Variants in TMEM117 observed in about 807,000 individuals in gnomAD.
The protein encoded by TMEM117 is transmembrane protein 117.
In TMEM117, 27 loss-of-function variants were observed where a neutral mutation model predicts 52.4. The ratio of observed to expected loss-of-function variants is 0.51; its 90% CI spans 0.38 to 0.71. TMEM117 has a LOEUF of 0.71. TMEM117 is among the 30% of genes least tolerant of loss of function. The pLI is 0.00. For synonymous variants in TMEM117, 215 were observed against 206.3 expected, an observed-to-expected ratio of 1.04 and a Z score of -0.36; for missense variants, 556 against 630.5, an observed-to-expected ratio of 0.88 and a Z score of 1.26.
chr12:43,984,837 G>A (rs1945820520), intron 3 of TMEM117, among the ~76,000 whole-genome samples: 1 of 152,016 alleles, frequency 6.6e-6, no homozygotes. Context: ...TTTAAAATCA[G>A]CCCACATACC....
intron 3 of TMEM117, among the ~76,000 whole-genome samples, chr12:44,095,952 G>A (rs1947753239): frequency 6.6e-6 from 1 of 152,122 alleles, no homozygotes; most frequent in Non-Finnish European, 1.5e-5. Flanking sequence ...CGACATGATT[G>A]TATATCTAGA....
chr12:43,944,138 TTAAAATAAA>T (rs1945089292), intron 2 of TMEM117, 63 bp from the exon 3 acceptor site: 77 of 1,357,404 alleles, frequency 5.7e-5, no homozygotes, highest in Admixed American at 1.5e-4. Flanking sequence ...AAAAGATTCA[TTAAAATAAA>T]GCAAAGATCC....
intron 6 of TMEM117, among the ~76,000 whole-genome samples, chr12:44,334,951 A>AG (rs1266612384): frequency 1.3e-5 from 2 of 152,106 alleles, no homozygotes; most frequent in Non-Finnish European, 2.9e-5. Context: ...AAACAAAAAA[A>AG]TCAGAGAATG....
intron 6 of TMEM117, among the ~76,000 whole-genome samples, chr12:44,347,304 T>C (rs975822778): frequency 2.0e-5 from 3 of 152,074 alleles, no homozygotes. Context: ...GAAATAAATA[T>C]GAGTGCCAGA....
chr12:43,947,581 G>A (rs1043127946), intron 3 of TMEM117, among the ~76,000 whole-genome samples: 9 of 152,164 alleles, frequency 5.9e-5, no homozygotes, highest in African/African-American at 2.2e-4. Flanking sequence ...GTGCAGAAAG[G>A]ACAGTGAGCA....
At position 44,389,399 on chromosome 12, in the gene TMEM117, C is replaced by G. The variant is rs1298546005; in HGVS notation, c.*727C>G. 6.6e-6 allele frequency: 1 copy of G among 152,534 alleles called. No individual in the cohort carries two copies. The highest frequency in any genetic ancestry group is 1.5e-5 in the Non-Finnish European group (1 of 68,016). The allele number at this position is 152,534 out of a possible 1,614,324, so 9.4% of individuals were successfully genotyped here. On this transcript the variant is annotated 3_prime_UTR_variant, in exon 8 of 8. Coordinates refer to ENST00000266534, the MANE Select transcript of TMEM117 (RefSeq NM_032256.3). ...TTGCTACTTGATTAAAAATCCTGCCCTTCACCTTTGGGAACAAAGGTTAAG... is the reference window on the plus strand; with the variant it reads ...TTGCTACTTGATTAAAAATCCTGCCGTTCACCTTTGGGAACAAAGGTTAAG...
the TMEM117 span, among the ~76,000 whole-genome samples, chr12:43,819,325 C>G: frequency 2.0e-5 from 3 of 152,140 alleles, no homozygotes; most frequent in Non-Finnish European, 4.4e-5. Context: ...ATTTTTGATT[C>G]TAAAGTTTGA....
chr12:44,175,365 G>A (rs565665387), intron 4 of TMEM117, among the ~76,000 whole-genome samples: 32 of 152,274 alleles, frequency 2.1e-4, no homozygotes, highest in African/African-American at 7.5e-4. Context: ...TTATGAAACT[G>A]GGTTAGTGTC....
the TMEM117 span, among the ~76,000 whole-genome samples, chr12:43,817,537 C>T: frequency 6.6e-6 from 1 of 152,150 alleles, no homozygotes; most frequent in Non-Finnish European, 1.5e-5. Context: ...TTACTGAAGG[C>T]AGTGGAAACT....
chr12:44,349,064 T>C (rs1951529032), intron 6 of TMEM117, among the ~76,000 whole-genome samples: 1 of 152,004 alleles, frequency 6.6e-6, no homozygotes, highest in Admixed American at 6.6e-5. Context: ...TTTGTATTAA[T>C]CAAGCATAAA....
chr12:44,187,183 T>C (rs2138332704), intron 4 of TMEM117, among the ~76,000 whole-genome samples: 1 of 152,236 alleles, frequency 6.6e-6, no homozygotes, highest in East Asian at 1.9e-4. Flanking sequence ...ATATCCAGAC[T>C]TATATTTGCT....
intron 3 of TMEM117, among the ~76,000 whole-genome samples, chr12:43,965,028 T>C (rs1007900344): frequency 5.9e-5 from 9 of 152,206 alleles, no homozygotes; most frequent in Admixed American, 2.0e-4. Flanking sequence ...AATTTGATCA[T>C]TTAAAATAGA....
chr12:44,182,942 A>G (rs1021533248), intron 4 of TMEM117, among the ~76,000 whole-genome samples: 3 of 152,190 alleles, frequency 2.0e-5, no homozygotes, highest in African/African-American at 4.8e-5. Flanking sequence ...CTATCTTAGT[A>G]CATACCTTTA....
At chr12:44,197,286 A>G (rs1171450596) in intron 4 of TMEM117, among the ~76,000 whole-genome samples, 2 of 151,892 alleles carry the variant, frequency 1.3e-5, no homozygotes, top group Admixed American at 6.6e-5. Flanking sequence ...TTTTCTTTCT[A>G]TTAGCTCTCC....
chr12:44,110,247 G>T (rs1049397575), intron 3 of TMEM117, among the ~76,000 whole-genome samples: 10 of 150,152 alleles, frequency 6.7e-5, no homozygotes, highest in African/African-American at 2.5e-4. Context: ...ACACTATGTT[G>T]AATAGGAGCA....
intron 3 of TMEM117, among the ~76,000 whole-genome samples, chr12:44,045,707 G>A (rs990422975): frequency 1.3e-5 from 2 of 152,122 alleles, no homozygotes; most frequent in African/African-American, 2.4e-5. Context: ...GCCAAGCGTG[G>A]TGGCGGGCAT....
At chr12:44,352,098 A>G (rs1459988281) in intron 6 of TMEM117, among the ~76,000 whole-genome samples, 1 of 151,910 alleles carries the variant, frequency 6.6e-6, no homozygotes, top group Non-Finnish European at 1.5e-5. Context: ...TAAGACAGAC[A>G]TATATGCATG....
intron 6 of TMEM117, among the ~76,000 whole-genome samples, chr12:44,311,463 G>C (rs764506205): frequency 6.6e-6 from 1 of 151,844 alleles, no homozygotes; most frequent in Non-Finnish European, 1.5e-5. Flanking sequence ...AAGATCTTTT[G>C]TTTTAATGAA....
At chr12:44,156,772 G>A (rs568478623) in intron 4 of TMEM117, among the ~76,000 whole-genome samples, 2 of 152,178 alleles carry the variant, frequency 1.3e-5, no homozygotes, top group South Asian at 2.1e-4. Flanking sequence ...AGGGTAAGAT[G>A]GATATGAAGA....
Sources: allele counts gnomAD v4.1 joint callset (sites outside exome capture counted in the v4.1 genomes callset), GRCh38; gene constraint gnomAD v4.1.1; transcripts MANE v1.5; gene names NCBI Gene and HGNC (gene_info 2026-07-23, HGNC 2026-07-21).